Variants in MMP20 observed in about 807,000 individuals in gnomAD.
MMP20 encodes matrix metallopeptidase 20.
Under a neutral mutation model 51.8 loss-of-function variants are expected in MMP20, and 50 were observed. The observed-to-expected ratio is 0.97, with a 90% CI of 0.77 to 1.22. The LOEUF (loss-of-function observed/expected upper bound fraction) is 1.22. Among genes scored for constraint, MMP20 ranks in the 50% most tolerant of loss-of-function variants. The pLI is 0.00. For synonymous variants in MMP20, 244 were observed against 216.2 expected, an observed-to-expected ratio of 1.13 and a Z score of -1.13; for missense variants, 663 against 601.4, an observed-to-expected ratio of 1.10 and a Z score of -1.07.
intron 8 of MMP20, among the ~76,000 whole-genome samples, chr11:102,582,822 C>G (rs1859212575): frequency 6.6e-6 from 1 of 152,096 alleles, no homozygotes; most frequent in South Asian, 2.1e-4. Context: ...AAATGAGTAT[C>G]AAAAGATGTT....
chr11:102,595,615 C>T (rs1340182770), intron 6 of MMP20, among the ~76,000 whole-genome samples: 1 of 152,172 alleles, frequency 6.6e-6, no homozygotes, highest in Non-Finnish European at 1.5e-5. Flanking sequence ...ATGGTGTTGC[C>T]TACATAATTG....
chr11:102,608,692 C>A (rs1784419), intron 5 of MMP20, among the ~76,000 whole-genome samples: 3 of 151,728 alleles, frequency 2.0e-5, no homozygotes, highest in Non-Finnish European at 4.4e-5. Flanking sequence ...AAACATAAAC[C>A]GACAAATGAC....
chr11:102,605,100 G>T (rs1447531911), intron 6 of MMP20: 1 of 152,258 alleles, frequency 6.6e-6, no homozygotes, highest in Non-Finnish European at 1.5e-5. Context: ...TGAGGGTGGG[G>T]GCCCCATGAT....
Position 102,615,586 on chromosome 11 carries a change from C to T in MMP20, c.374+1226G>A, listed in dbSNP as rs552806122. Among the ~76,000 whole-genome samples, 12 of 152,244 alleles carry T rather than the reference C, an allele frequency of 7.9e-5. No homozygotes were observed. In the South Asian group the frequency reaches 2.1e-3, roughly 26 times the overall value. ...TCCTGGTCCTGGCCTGGCTCTCCAC[C>T]GCCCTGGGGATAAAGTCCAAACTCC... On this transcript the variant is annotated intron_variant, in intron 2 of 9. Coordinates refer to ENST00000260228, the MANE Select transcript of MMP20 (RefSeq NM_004771.4).
intron 6 of MMP20, among the ~76,000 whole-genome samples, chr11:102,601,977 T>G (rs1314823425): frequency 2.1e-5 from 3 of 145,216 alleles, no homozygotes; most frequent in African/African-American, 2.6e-5. Flanking sequence ...TGAGACGGAG[T>G]CTTGCTCTGT....
At chr11:102,594,494 C>T (rs1859355707) in intron 7 of MMP20, 127 bp downstream of exon 7, 3 of 1,260,682 alleles carry the variant, frequency 2.4e-6, no homozygotes, top group Admixed American at 4.0e-5. Flanking sequence ...TCATACCCAA[C>T]CTGAGGACAA....
intron 5 of MMP20, chr11:102,608,154 T>A (rs905956770): frequency 6.6e-6 from 1 of 152,122 alleles, no homozygotes; most frequent in Non-Finnish European, 1.5e-5. Context: ...GGGGAGAAGC[T>A]CTGATAATCA....
chr11:102,596,977 G>A (rs1412106708), intron 6 of MMP20, among the ~76,000 whole-genome samples: 1 of 152,202 alleles, frequency 6.6e-6, no homozygotes, highest in Non-Finnish European at 1.5e-5. Flanking sequence ...GAGCAAGTGT[G>A]TTCCAATTAA....
chr11:102,609,795 C>T, intron 4 of MMP20, 110 bp downstream of exon 4: 2 of 1,496,038 alleles, frequency 1.3e-6, no homozygotes, highest in Non-Finnish European at 1.9e-6. Context: ...TTTTCCTAGC[C>T]AGCCCCCCTA....
chr11:102,586,497 T>C (rs949395733), intron 8 of MMP20, among the ~76,000 whole-genome samples: 4 of 152,140 alleles, frequency 2.6e-5, no homozygotes, highest in Non-Finnish European at 5.9e-5. Context: ...TCTCCTCTTT[T>C]ATTTCTGATT....
intron 1 of MMP20, among the ~76,000 whole-genome samples, chr11:102,622,698 C>A (rs530946497): frequency 6.6e-6 from 1 of 152,284 alleles, no homozygotes; most frequent in Non-Finnish European, 1.5e-5. Flanking sequence ...CTTCTCCCAG[C>A]ACCTTCCCAC....
At position 102,608,163 on chromosome 11, in the gene MMP20, C is replaced by G. The variant is rs1173574915; in HGVS notation, c.811+774G>C. 3 of 152,182 alleles carry G rather than the reference C, an allele frequency of 2.0e-5. No individual in the cohort carries two copies. The East Asian group carries it at 5.8e-4, about 29-fold the overall frequency. The allele number at this position is 152,182 out of a possible 1,614,324, so 9.4% of individuals were successfully genotyped here. Reference sequence around the variant, plus strand: ...GAAGATGGGGAGAAGCTCTGATAATCAGAAGCCTAATAACCAGGTCTCCAG... The same window carrying G: ...GAAGATGGGGAGAAGCTCTGATAATGAGAAGCCTAATAACCAGGTCTCCAG... On this transcript the variant is annotated intron_variant, in intron 5 of 9. Coordinates refer to ENST00000260228, the MANE Select transcript of MMP20 (RefSeq NM_004771.4).
intron 8 of MMP20, among the ~76,000 whole-genome samples, chr11:102,587,207 C>T (rs1859264778): frequency 5.3e-5 from 8 of 151,836 alleles, no homozygotes; most frequent in Admixed American, 5.2e-4. Flanking sequence ...CTTCTTTGAC[C>T]CATTGGTTGT....
intron 6 of MMP20, among the ~76,000 whole-genome samples, chr11:102,600,278 A>C (rs1468234089): frequency 6.6e-6 from 1 of 152,186 alleles, no homozygotes; most frequent in Admixed American, 6.5e-5. Flanking sequence ...CTCCAGAAAT[A>C]GTGGTTACTG....
chr11:102,578,464 A>C (rs527883814), intron 9 of MMP20, among the ~76,000 whole-genome samples: 116 of 152,336 alleles, frequency 7.6e-4, no homozygotes, highest in African/African-American at 2.8e-3. Context: ...AAAGATAGAA[A>C]AGGTAATCTT....
At chr11:102,604,129 C>T (rs931392025) in intron 6 of MMP20, among the ~76,000 whole-genome samples, 1 of 151,824 alleles carries the variant, frequency 6.6e-6, no homozygotes, top group African/African-American at 2.4e-5. Context: ...TGATATTTAC[C>T]ACAAGAATAA....
chr11:102,616,740 A>AT (rs1859675966), intron 2 of MMP20, 72 bp downstream of exon 2: 5 of 1,589,438 alleles, frequency 3.1e-6, no homozygotes, highest in Non-Finnish European at 4.3e-6. Context: ...GAAGGAAAAT[A>AT]TTTTTTCAAG....
At position 102,594,834 on chromosome 11, in the gene MMP20, T is replaced by C; in HGVS notation, c.954-77A>G. The stretch of plus-strand genomic sequence containing the variant: ...TTTACATATAAAATTGCACTTTGAC[T>C]GAAATGTACTCAGAGGCCACTCACT... On this transcript the variant is annotated intron_variant, in intron 6 of 9. Coordinates refer to ENST00000260228, the MANE Select transcript of MMP20 (RefSeq NM_004771.4). 2.6e-6 allele frequency: 4 copies of C among 1,552,968 alleles called. No homozygotes were observed. The South Asian group carries it at 4.7e-5, about 18-fold the overall frequency.
chr11:102,589,057 G>A (rs1478353389), intron 8 of MMP20, among the ~76,000 whole-genome samples: 1 of 152,110 alleles, frequency 6.6e-6, no homozygotes. Flanking sequence ...CCTCTTCTCT[G>A]CAGAATAAAC....
Sources: allele counts gnomAD v4.1 joint callset (sites outside exome capture counted in the v4.1 genomes callset), GRCh38; gene constraint gnomAD v4.1.1; transcripts MANE v1.5; gene names NCBI Gene and HGNC (gene_info 2026-07-23, HGNC 2026-07-21).